ALKBH3: variants seen among roughly 807,000 people sequenced by gnomAD.
The protein encoded by ALKBH3 is alkB homolog 3, alpha-ketoglutarate dependent dioxygenase.
In ALKBH3, 51 loss-of-function variants were observed where a neutral mutation model predicts 43.9. The ratio of observed to expected loss-of-function variants is 1.16; its 90% CI spans 0.93 to 1.47. The LOEUF (loss-of-function observed/expected upper bound fraction) is 1.47, where lower values mean the gene tolerates loss of function less well. Among genes scored for constraint, ALKBH3 ranks in the 40% most tolerant of loss-of-function variants. ALKBH3 has a pLI of 0.00. For missense variants in ALKBH3, 361 were observed against 351.9 expected (o/e 1.03, Z -0.21); for synonymous variants, 102 against 115.2 (o/e 0.89, Z 0.73).
intron 8 of ALKBH3, among the ~76,000 whole-genome samples, chr11:43,905,125 G>A (rs765490210): frequency 4.6e-5 from 7 of 152,320 alleles, no homozygotes; most frequent in African/African-American, 7.2e-5. Flanking sequence ...ACAGAAAAGC[G>A]TCTGTTTTGG....
intron 6 of ALKBH3, among the ~76,000 whole-genome samples, chr11:43,891,079 G>A (rs974879600): frequency 1.3e-5 from 2 of 151,972 alleles, no homozygotes; most frequent in African/African-American, 4.8e-5. Flanking sequence ...TTGATCCATG[G>A]TGGATGTGGA....
chr11:43,909,293 T>G (rs1414985773), intron 8 of ALKBH3: 1 of 152,240 alleles, frequency 6.6e-6, no homozygotes, highest in Non-Finnish European at 1.5e-5. Context: ...GATGACTTTG[T>G]GGGGTCCCAG....
Position 43,889,870 on chromosome 11 carries a change from C to T in ALKBH3, c.370+42C>T, listed in dbSNP as rs186623067. The T allele has an allele frequency of 8.6e-6, 13 of 1,507,454 alleles. No homozygotes were observed. The African/African-American group carries it at 1.4e-4, about 16-fold the overall frequency. 93.4% of individuals were successfully genotyped at this position (1,507,454 alleles called of 1,614,324 possible). On this transcript the variant is annotated intron_variant, in intron 6 of 9. Coordinates refer to ENST00000302708, the MANE Select transcript of ALKBH3 (RefSeq NM_139178.4). ...GGTCACAGTTGGTGCTGCGTGTTCT[C>T]CCTCTCTGGAATGTTTCCTAGTACC...
rs1385173392 is a variant in ALKBH3, at chr11:43,901,721, C to G, written c.665C>G (p.Pro222Arg). 6.2e-7 allele frequency: 1 copy of G among 1,614,122 alleles called. No homozygotes were observed. The highest frequency in any genetic ancestry group is 8.5e-7 in the Non-Finnish European group (1 of 1,179,964). Residue 222 changes from proline (P) to arginine (R), a missense_variant, in exon 8 of 10, where the codon CCA (proline) becomes CGA (arginine). Physicochemically the swap from Pro to Arg is moderately radical, Grantham distance 103. Coordinates refer to ENST00000302708, the MANE Select transcript of ALKBH3 (RefSeq NM_139178.4). ...ACATTTGAGATGAGAAAGAAGCCAC[C>G]ACCAGTGAGTATTCTCTTTTTCTTA... ...TRTFEMRKKP[P>R]PEENGDYTYV...
chr11:43,883,663 C>T (rs1392184710), intron 3 of ALKBH3, among the ~76,000 whole-genome samples: 1 of 152,206 alleles, frequency 6.6e-6, no homozygotes. Flanking sequence ...ATAGTAACAA[C>T]CCTATAAATA....
chr11:43,891,928 C>G (rs1951786895), intron 6 of ALKBH3, 113 bp from the exon 7 acceptor site: 2 of 772,230 alleles, frequency 2.6e-6, no homozygotes, highest in Non-Finnish European at 2.1e-6. Flanking sequence ...ACAGCCCATT[C>G]TTACTTTTCT....
chr11:43,903,449 C>A (rs769608952), intron 8 of ALKBH3, among the ~76,000 whole-genome samples: 1 of 152,172 alleles, frequency 6.6e-6, no homozygotes, highest in Non-Finnish European at 1.5e-5. Flanking sequence ...CTTCTCAAGC[C>A]GGATGTATGG....
chr11:43,897,651 C>G, intron 7 of ALKBH3: 1 of 901,768 alleles, frequency 1.1e-6, no homozygotes, highest in Non-Finnish European at 1.9e-6. Flanking sequence ...TGTAGATGCA[C>G]CAAGACTGCT....
intron 8 of ALKBH3, chr11:43,909,820 C>T (rs1287342089): frequency 2.0e-5 from 3 of 152,158 alleles, no homozygotes; most frequent in Non-Finnish European, 4.4e-5. Context: ...ACATCTTGGG[C>T]TTTTTCTTGT....
intron 8 of ALKBH3, among the ~76,000 whole-genome samples, chr11:43,913,875 T>A (rs1003584071): frequency 6.6e-6 from 1 of 152,232 alleles, no homozygotes; most frequent in Non-Finnish European, 1.5e-5. Flanking sequence ...CTGAATTAAT[T>A]GCGAAAATTT....
At chr11:43,898,447 C>A in intron 7 of ALKBH3, 2 of 792,278 alleles carry the variant, frequency 2.5e-6, no homozygotes, top group Admixed American at 1.9e-5. Context: ...AGATGGGTGG[C>A]CCCTCTGTAT....
intron 8 of ALKBH3, among the ~76,000 whole-genome samples, chr11:43,915,484 A>C (rs774800529): frequency 6.6e-6 from 1 of 152,172 alleles, no homozygotes; most frequent in Non-Finnish European, 1.5e-5. Flanking sequence ...ATATGCAGAA[A>C]TGTTTTGCCC....
At chr11:43,909,242 C>T (rs1364519026) in intron 8 of ALKBH3, 1 of 152,190 alleles carries the variant, frequency 6.6e-6, no homozygotes, top group Non-Finnish European at 1.5e-5. Flanking sequence ...AGGATGTCAT[C>T]AGTTAAAGTG....
rs1306798048 is a variant in ALKBH3, at chr11:43,880,898, C to G, written c.-352C>G. The G allele has an allele frequency of 1.3e-5, 2 of 152,342 alleles. No homozygotes were observed. Among genetic ancestry groups the G allele is most frequent in the Non-Finnish European group, 1.5e-5 (1 of 68,158 alleles). 9.4% of individuals were successfully genotyped at this position (152,342 alleles called of 1,614,324 possible). A position where few individuals can be genotyped will look rare whatever the true frequency, so the allele number is the denominator to read the frequency against. Reference sequence around the variant, plus strand: ...CTGCGAGGGCTGCCCCAAGTCCTACCGGGTTTGCACGGGCGCGCCCGGCTC... The same window carrying G: ...CTGCGAGGGCTGCCCCAAGTCCTACGGGGTTTGCACGGGCGCGCCCGGCTC... On this transcript the variant is annotated 5_prime_UTR_variant, in exon 1 of 10. Transcript: ENST00000302708.
chr11:43,911,870 C>T (rs1281161029), intron 8 of ALKBH3, among the ~76,000 whole-genome samples: 3 of 152,178 alleles, frequency 2.0e-5, no homozygotes, highest in African/African-American at 7.2e-5. Context: ...TGCCTGTAAT[C>T]CCAGCACTTT....
Position 43,901,626 on chromosome 11 carries a change from G to A in ALKBH3, c.570G>A (p.Trp190Ter). The change falls in exon 8 of 10, where the codon TGG becomes TGA. Residue 190 changes from tryptophan to a stop codon, truncating the protein, a stop_gained. Transcript: ENST00000302708. LOFTEE classifies it high-confidence loss of function. Reference protein sequence around the residue: ...LYRNEKDSVDWHSDDEPSLGR... With the variant: ...LYRNEKDSVD ...GCAATGAGAAGGACAGCGTGGACTG[G>A]CACAGTGATGATGAACCCTCACTAG... The A allele has an allele frequency of 1.9e-6, 3 of 1,614,240 alleles. No individual in the cohort carries two copies. The East Asian group carries it at 6.7e-5, about 36-fold the overall frequency.
At chr11:43,918,232 G>A (rs750806597) in intron 8 of ALKBH3, among the ~76,000 whole-genome samples, 5 of 152,216 alleles carry the variant, frequency 3.3e-5, no homozygotes, top group Non-Finnish European at 7.3e-5. Context: ...TTTCAGCTGT[G>A]GAGGAGCCAC....
At chr11:43,882,560 T>G in intron 1 of ALKBH3, 23 bp from the exon 2 acceptor site, 1 of 1,175,476 alleles carries the variant, frequency 8.5e-7, no homozygotes, top group Non-Finnish European at 1.2e-6. Context: ...AAAAGCACTG[T>G]TTTGTTTTGT....
intron 8 of ALKBH3, chr11:43,909,181 T>TA (rs1413663505): frequency 6.6e-6 from 1 of 152,230 alleles, no homozygotes; most frequent in Admixed American, 6.5e-5. Flanking sequence ...TAGCAGATCT[T>TA]ATTTCAGAAA....
Sources: gnomAD v4.1 joint callset for allele counts (sites outside exome capture counted in the v4.1 genomes callset) on GRCh38, gnomAD v4.1.1 for gene constraint, MANE v1.5 for transcripts, NCBI Gene and HGNC (gene_info 2026-07-23, HGNC 2026-07-21) for gene names.